OPCML: variants seen among roughly 807,000 people sequenced by gnomAD.
OPCML encodes the protein opioid-binding protein/cell adhesion molecule.
OPCML carries 13 observed loss-of-function variants against 37.8 expected under a neutral mutation model. The observed-to-expected ratio is 0.34, with a 90% confidence interval of 0.22 to 0.55. OPCML has a LOEUF of 0.55. Among genes scored for constraint, OPCML ranks in the 20% least tolerant of loss-of-function variants. The pLI is 0.91. For missense variants in OPCML, 341 were observed against 435.6 expected (o/e 0.78, Z 1.93); for synonymous variants, 176 against 168.8 (o/e 1.04, Z -0.33).
At chr11:133,089,484 G>A (rs972923498) in intron 1 of OPCML, among the ~76,000 whole-genome samples, 16 of 152,126 alleles carry the variant, frequency 1.1e-4, no homozygotes, top group Non-Finnish European at 2.9e-5. Flanking sequence ...TTACTCGTTT[G>A]GAGATATTTG....
intron 1 of OPCML, among the ~76,000 whole-genome samples, chr11:133,483,795 T>TA (rs1555165668): frequency 7.6e-6 from 1 of 132,346 alleles, no homozygotes; most frequent in South Asian, 2.3e-4. Context: ...GATACATAGA[T>TA]GATAGATAGA....
chr11:133,504,242 A>T (rs1323692326), intron 1 of OPCML, among the ~76,000 whole-genome samples: 1 of 152,200 alleles, frequency 6.6e-6, no homozygotes, highest in Non-Finnish European at 1.5e-5. Context: ...AGAACCCCCA[A>T]ATCCAAGGTT....
intron 1 of OPCML, among the ~76,000 whole-genome samples, chr11:133,465,905 A>T (rs1210327450): frequency 6.6e-6 from 1 of 152,226 alleles, no homozygotes; most frequent in Non-Finnish European, 1.5e-5. Context: ...GCATACATCT[A>T]TATCCTGAGT....
chr11:132,568,095 A>C (rs996259610), intron 3 of OPCML, among the ~76,000 whole-genome samples: 1 of 151,972 alleles, frequency 6.6e-6, no homozygotes, highest in Admixed American at 6.6e-5. Context: ...GAAAAAAAAA[A>C]CTTTCCTATT....
intron 2 of OPCML, among the ~76,000 whole-genome samples, chr11:132,938,247 C>T (rs995305106): frequency 6.6e-6 from 1 of 152,036 alleles, no homozygotes; most frequent in Non-Finnish European, 1.5e-5. Flanking sequence ...AGCTCCTAAG[C>T]TCCAGGAGCC....
intron 1 of OPCML, among the ~76,000 whole-genome samples, chr11:133,038,865 A>T (rs934416331): frequency 1.3e-5 from 2 of 151,034 alleles, no homozygotes; most frequent in African/African-American, 4.9e-5. Flanking sequence ...TGGTTGAAAC[A>T]ACTCCTCCCC....
chr11:132,460,183 C>A (rs1254154749), intron 4 of OPCML, among the ~76,000 whole-genome samples: 1 of 151,532 alleles, frequency 6.6e-6, no homozygotes, highest in African/African-American at 2.4e-5. Context: ...TTAATTTATG[C>A]TGGCTCAACA....
chr11:132,771,354 A>T (rs866939925), intron 2 of OPCML, among the ~76,000 whole-genome samples: 2 of 152,320 alleles, frequency 1.3e-5, no homozygotes, highest in Non-Finnish European at 1.5e-5. Flanking sequence ...AGCTCACTGC[A>T]GGATGCTAAG....
intron 4 of OPCML, among the ~76,000 whole-genome samples, chr11:132,527,901 C>A (rs949269057): frequency 6.7e-5 from 10 of 149,542 alleles, no homozygotes; most frequent in Middle Eastern, 3.2e-3. Context: ...GGAAGAGGGC[C>A]ATGTGAAGAT....
intron 1 of OPCML, among the ~76,000 whole-genome samples, chr11:133,046,097 C>G (rs567644869): frequency 6.6e-6 from 1 of 152,116 alleles, no homozygotes; most frequent in South Asian, 2.1e-4. Context: ...GACACCAGCC[C>G]GAGATTCGAC....
chr11:132,957,042 G>A (rs1238097060), intron 1 of OPCML, among the ~76,000 whole-genome samples: 1 of 152,190 alleles, frequency 6.6e-6, no homozygotes, highest in Non-Finnish European at 1.5e-5. Flanking sequence ...GAGGTGGGAG[G>A]ATCACTTGAG....
chr11:132,801,337 C>A (rs1938637356), intron 2 of OPCML, among the ~76,000 whole-genome samples: 1 of 152,072 alleles, frequency 6.6e-6, no homozygotes, highest in Admixed American at 6.6e-5. Context: ...CCAATTGGTA[C>A]TTTTATTTTA....
intron 2 of OPCML, among the ~76,000 whole-genome samples, chr11:132,890,725 T>C (rs897672758): frequency 1.0e-4 from 15 of 146,110 alleles, no homozygotes; most frequent in East Asian, 4.0e-4. Flanking sequence ...GGCGTGGTGG[T>C]GGGCGCCTGT....
intron 2 of OPCML, among the ~76,000 whole-genome samples, chr11:132,861,759 C>T (rs1182073284): frequency 6.6e-6 from 1 of 151,302 alleles, no homozygotes; most frequent in African/African-American, 2.4e-5. Context: ...CGCTTGAACC[C>T]GGGAGGCGGA....
intron 1 of OPCML, among the ~76,000 whole-genome samples, chr11:133,072,416 A>G (rs1204908126): frequency 6.6e-6 from 1 of 152,244 alleles, no homozygotes; most frequent in African/African-American, 2.4e-5. Context: ...TGTAAGTTGT[A>G]GGAGGAGTAA....
At chr11:132,757,661 A>G (rs1241806083) in intron 2 of OPCML, among the ~76,000 whole-genome samples, 1 of 151,982 alleles carries the variant, frequency 6.6e-6, no homozygotes, top group Non-Finnish European at 1.5e-5. Context: ...TTTTTCTTGT[A>G]AAATTGTTTA....
At chr11:133,334,127 C>T (rs1261614113) in intron 1 of OPCML, among the ~76,000 whole-genome samples, 2 of 152,156 alleles carry the variant, frequency 1.3e-5, no homozygotes, top group East Asian at 3.9e-4. Context: ...TTCAACCCAG[C>T]AATCCCATTA....
At chr11:133,011,746 A>C (rs117179303) in intron 1 of OPCML, among the ~76,000 whole-genome samples, 218 of 152,268 alleles carry the variant, frequency 1.4e-3, no homozygotes, top group Non-Finnish European at 2.4e-3. Context: ...GTTATAGTCC[A>C]AGCTCTGATA....
intron 4 of OPCML, among the ~76,000 whole-genome samples, chr11:132,446,825 T>C (rs1336909687): frequency 6.6e-6 from 1 of 152,164 alleles, no homozygotes; most frequent in Non-Finnish European, 1.5e-5. Flanking sequence ...AGACACTGCC[T>C]CTTTCATTTA....
Sources: allele counts gnomAD v4.1 joint callset (sites outside exome capture counted in the v4.1 genomes callset), GRCh38; gene constraint gnomAD v4.1.1; transcripts MANE v1.5; gene names NCBI Gene and HGNC (gene_info 2026-07-23, HGNC 2026-07-21).